Variants in FSTL5 observed in about 807,000 individuals in gnomAD.
The protein encoded by FSTL5 is follistatin-related protein 5.
A neutral mutation model predicts 89.1 loss-of-function variants in FSTL5; 62 were observed. The observed-to-expected ratio is 0.70, with a 90% CI of 0.57 to 0.86. The LOEUF is 0.86. Among genes scored for constraint, FSTL5 ranks in the 40% least tolerant of loss-of-function variants. The probability of loss-of-function intolerance (pLI) is 0.00; values close to 1 mark genes in which losing one functional copy is unlikely to be tolerated. For synonymous variants in FSTL5, 383 were observed against 346.2 expected, an observed-to-expected ratio of 1.11 and a Z score of -1.18; for missense variants, 1,057 against 1,001.6, an observed-to-expected ratio of 1.06 and a Z score of -0.75.
rs183966998 is a variant in FSTL5, at chr4:161,650,164, G to A, written c.894+6164C>T. ...GATGGAGAGAAGAAAATACTAAGAG[G>A]AACAATGAGAAAACAATAGAAATGT... On this transcript the variant is annotated intron_variant, in intron 7 of 15. Coordinates refer to ENST00000306100, the MANE Select transcript of FSTL5 (RefSeq NM_020116.5). 8.5e-5 allele frequency among the ~76,000 whole-genome samples: 13 copies of A among 152,164 alleles called. No homozygotes were observed. The East Asian group carries it at 2.5e-3, about 29-fold the overall frequency.
At chr4:161,831,534 T>A (rs891634923) in intron 4 of FSTL5, among the ~76,000 whole-genome samples, 2 of 151,954 alleles carry the variant, frequency 1.3e-5, no homozygotes, top group African/African-American at 4.8e-5. Flanking sequence ...AAAAAGCATA[T>A]AAAATATAAA....
chr4:162,026,170 C>T (rs1317130809), intron 3 of FSTL5, among the ~76,000 whole-genome samples: 1 of 151,690 alleles, frequency 6.6e-6, no homozygotes, highest in Non-Finnish European at 1.5e-5. Flanking sequence ...TTCATAAAGG[C>T]CAACCATTCT....
chr4:161,542,790 A>G (rs931158104), intron 8 of FSTL5, 97 bp from the exon 9 acceptor site: 4 of 654,940 alleles, frequency 6.1e-6, no homozygotes, highest in Non-Finnish European at 6.8e-6. Flanking sequence ...AATAAATTAT[A>G]TATTTTAATG....
At chr4:161,887,124 C>T (rs2126917242) in intron 4 of FSTL5, among the ~76,000 whole-genome samples, 1 of 151,998 alleles carries the variant, frequency 6.6e-6, no homozygotes, top group Admixed American at 6.6e-5. Context: ...AAGGGAAGAC[C>T]AATAGTATTT....
chr4:161,954,984 A>G (rs1284606893), intron 3 of FSTL5, among the ~76,000 whole-genome samples: 2 of 151,622 alleles, frequency 1.3e-5, no homozygotes, highest in Admixed American at 1.3e-4. Context: ...GCATTGAAAA[A>G]CACAGTAAAA....
rs138078079 is a variant in FSTL5, at chr4:161,470,101, AATT to A, written c.1609-10785_1609-10783del. On this transcript the variant is annotated intron_variant, in intron 13 of 15. Coordinates refer to ENST00000306100, the MANE Select transcript of FSTL5 (RefSeq NM_020116.5). ...CTTTGAATGAATAATTTTTTAAAAA[AATT>A]ATTAAGTCCAATTTATGTAATTTTT... Among the ~76,000 whole-genome samples, 267 of 152,242 alleles carry A rather than the reference AATT, an allele frequency of 1.8e-3. 1 individual carries two copies. The highest frequency in any genetic ancestry group is 3.3e-3 in the African/African-American group (137 of 41,550).
chr4:161,545,414 G>A (rs1354314686), intron 8 of FSTL5, among the ~76,000 whole-genome samples: 1 of 149,144 alleles, frequency 6.7e-6, no homozygotes, highest in Non-Finnish European at 1.5e-5. Flanking sequence ...TTTTCTTTTA[G>A]CCATTAATTA....
intron 15 of FSTL5, among the ~76,000 whole-genome samples, chr4:161,416,025 A>T (rs1731768621): frequency 6.6e-6 from 1 of 152,018 alleles, no homozygotes; most frequent in Non-Finnish European, 1.5e-5. Context: ...GTTTACTCTA[A>T]TTCCACATCT....
intron 6 of FSTL5, among the ~76,000 whole-genome samples, chr4:161,754,914 C>G (rs1358308364): frequency 6.6e-6 from 1 of 152,090 alleles, no homozygotes; most frequent in African/African-American, 2.4e-5. Flanking sequence ...AAATATTTAG[C>G]ACTTGGTATA....
intron 2 of FSTL5, among the ~76,000 whole-genome samples, chr4:162,110,973 G>A (rs1731412087): frequency 6.6e-6 from 1 of 151,726 alleles, no homozygotes; most frequent in Non-Finnish European, 1.5e-5. Flanking sequence ...AAATTATCTG[G>A]TAGATTGGGT....
At position 161,578,879 on chromosome 4, in the gene FSTL5, C is replaced by A. The variant is rs1017676539; in HGVS notation, c.1015+8576G>T. On this transcript the variant is annotated intron_variant, in intron 8 of 15. Transcript: ENST00000306100. ...TGCCTACTTAGAATTTAATATCCAA[C>A]AGAAATATTATTTAATTTAAAAAAA... Among the ~76,000 whole-genome samples, 13 of 151,884 alleles carry A rather than the reference C, an allele frequency of 8.6e-5. No homozygotes were observed. In the South Asian group the frequency reaches 1.2e-3, roughly 15 times the overall value.
At chr4:161,722,065 G>A (rs1057187265) in intron 6 of FSTL5, among the ~76,000 whole-genome samples, 4 of 151,998 alleles carry the variant, frequency 2.6e-5, no homozygotes, top group African/African-American at 9.7e-5. Flanking sequence ...CTTTGAAGAT[G>A]TCTTTTTCTT....
At chr4:162,129,451 A>G (rs1732211778) in intron 1 of FSTL5, among the ~76,000 whole-genome samples, 1 of 152,252 alleles carries the variant, frequency 6.6e-6, no homozygotes, top group Admixed American at 6.5e-5. Flanking sequence ...TAAAGTGAGA[A>G]AAAACTTTGA....
At chr4:161,902,994 G>T (rs1733414938) in intron 4 of FSTL5, among the ~76,000 whole-genome samples, 1 of 152,052 alleles carries the variant, frequency 6.6e-6, no homozygotes, top group Non-Finnish European at 1.5e-5. Flanking sequence ...TGTTTGAATG[G>T]TAAGGTCTAA....
intron 2 of FSTL5, among the ~76,000 whole-genome samples, chr4:162,073,472 T>A (rs1023739773): frequency 6.6e-6 from 1 of 151,800 alleles, no homozygotes; most frequent in Admixed American, 6.6e-5. Context: ...AAATATCACA[T>A]ATTTTGTGAT....
chr4:162,101,127 C>T (rs932360243), intron 2 of FSTL5, among the ~76,000 whole-genome samples: 3 of 152,172 alleles, frequency 2.0e-5, no homozygotes, highest in South Asian at 2.1e-4. Context: ...GTACCTAGTC[C>T]GGCAAACATA....
intron 4 of FSTL5, among the ~76,000 whole-genome samples, chr4:161,787,201 T>C (rs1241748131): frequency 6.6e-6 from 1 of 152,066 alleles, no homozygotes; most frequent in Non-Finnish European, 1.5e-5. Context: ...AATTTATAAA[T>C]GAGATGTTTA....
chr4:161,600,090 C>T (rs923045184), intron 7 of FSTL5, among the ~76,000 whole-genome samples: 2 of 151,336 alleles, frequency 1.3e-5, no homozygotes, highest in Admixed American at 1.3e-4. Flanking sequence ...ACATTTCATG[C>T]TCTGAAATTC....
At chr4:161,476,850 G>A (rs1406268895) in intron 13 of FSTL5, among the ~76,000 whole-genome samples, 2 of 152,174 alleles carry the variant, frequency 1.3e-5, no homozygotes, top group Non-Finnish European at 2.9e-5. Context: ...GAAATCAGAA[G>A]TGTCAATCAA....
Sources: gnomAD v4.1 joint callset for allele counts (sites outside exome capture counted in the v4.1 genomes callset) on GRCh38, gnomAD v4.1.1 for gene constraint, MANE v1.5 for transcripts, NCBI Gene and HGNC (gene_info 2026-07-23, HGNC 2026-07-21) for gene names.